OSBPL9: variants seen among roughly 807,000 people sequenced by gnomAD.
OSBPL9 encodes oxysterol binding protein like 9.
OSBPL9 carries 40 observed loss-of-function variants against 106.6 expected under a neutral mutation model. The ratio of observed to expected loss-of-function variants is 0.38; its 90% CI spans 0.29 to 0.49. OSBPL9 has a LOEUF of 0.49. Ranked by LOEUF, OSBPL9 falls within the 20% of genes least tolerant of loss-of-function variation. The pLI, the probability that OSBPL9 is intolerant of heterozygous loss-of-function variation, is 0.97. For missense variants in OSBPL9, 609 were observed against 887.2 expected, an observed-to-expected ratio of 0.69 and a Z score of 3.98; for synonymous variants, 269 against 295.4, an observed-to-expected ratio of 0.91 and a Z score of 0.92.
At chr1:51,534,830 C>G in the OSBPL9 span, among the ~76,000 whole-genome samples, 26 of 152,258 alleles carry the variant, frequency 1.7e-4, no homozygotes, top group Admixed American at 1.7e-3. Flanking sequence ...CAAGCCCCTT[C>G]TCTCCTCTGG....
intron 1 of OSBPL9, among the ~76,000 whole-genome samples, chr1:51,636,115 C>A (rs1645421774): frequency 8.2e-6 from 1 of 121,776 alleles, no homozygotes; most frequent in South Asian, 2.5e-4. Context: ...TGTATCCTTT[C>A]TAAAATCAAT....
intron 2 of OSBPL9, among the ~76,000 whole-genome samples, chr1:51,606,274 G>C (rs72894201): frequency 0.11 from 16,859 of 148,160 alleles, 1,043 homozygotes; most frequent in Middle Eastern, 0.22. Flanking sequence ...GGCATGTGTT[G>C]CCGTGTGTGG....
chr1:51,678,759 T>A (rs1023583556), intron 3 of OSBPL9, among the ~76,000 whole-genome samples: 1 of 152,198 alleles, frequency 6.6e-6, no homozygotes, highest in Non-Finnish European at 1.5e-5. Context: ...GTTATATTGA[T>A]CAAGTATATT....
chr1:51,644,520 G>C (rs774455802), intron 1 of OSBPL9, among the ~76,000 whole-genome samples: 1 of 152,094 alleles, frequency 6.6e-6, no homozygotes, highest in African/African-American at 2.4e-5. Context: ...TAGAGACAGG[G>C]TTTCACCATG....
chr1:51,675,368 AATTT>A (rs1267111339), intron 3 of OSBPL9, among the ~76,000 whole-genome samples: 181 of 151,278 alleles, frequency 1.2e-3, no homozygotes, highest in African/African-American at 4.1e-3. Flanking sequence ...TTAATTAATT[AATTT>A]ATTTATTTAT....
At chr1:51,612,528 G>A (rs1643995790), upstream of OSBPL9, among the ~76,000 whole-genome samples, 1 of 152,198 alleles carries the variant, frequency 6.6e-6, no homozygotes, top group African/African-American at 2.4e-5. Context: ...TCTCCACCAC[G>A]TGTAACTTTA....
rs1350626967 is a variant in OSBPL9 at position 51,781,094 on chromosome 1, T to C, written c.1257-70T>C. On this transcript the variant is annotated intron_variant, in intron 15 of 23. Transcript: ENST00000428468. Reference sequence around the variant, plus strand: ...TCAGCCTGACTTAGGTGGACCATGCTGGGGGTTGTTGCATCATCTTGTCTT... The same window carrying C: ...TCAGCCTGACTTAGGTGGACCATGCCGGGGGTTGTTGCATCATCTTGTCTT... The C allele has an allele frequency of 3.4e-6, 5 of 1,482,118 alleles. No homozygotes were observed. In the African/African-American group the frequency reaches 6.9e-5, roughly 21 times the overall value. The allele number at this position is 1,482,118 out of a possible 1,614,324, so 91.8% of individuals were successfully genotyped here.
intron 3 of OSBPL9, among the ~76,000 whole-genome samples, chr1:51,678,646 G>A (rs540669276): frequency 1.9e-4 from 29 of 152,146 alleles, no homozygotes; most frequent in Admixed American, 4.6e-4. Context: ...GGGCGACAGA[G>A]CAAGACTCTG....
At chr1:51,636,139 C>T (rs1233689281) in intron 1 of OSBPL9, among the ~76,000 whole-genome samples, 1 of 145,260 alleles carries the variant, frequency 6.9e-6, no homozygotes, top group East Asian at 2.0e-4. Flanking sequence ...TCCTTCCTTC[C>T]TCTCTCTCTC....
chr1:51,532,991 T>C, the OSBPL9 span, among the ~76,000 whole-genome samples: 2 of 152,146 alleles, frequency 1.3e-5, no homozygotes, highest in African/African-American at 2.4e-5. Flanking sequence ...TGGTAATTGG[T>C]AATTAAATGG....
At chr1:51,598,984 C>T (rs1645315327) in intron 2 of OSBPL9, among the ~76,000 whole-genome samples, 1 of 147,366 alleles carries the variant, frequency 6.8e-6, no homozygotes, top group African/African-American at 2.5e-5. Flanking sequence ...ACAGGTGAGA[C>T]TCTGTCTCAA....
In OSBPL9 at chr1:51,629,701, T is replaced by A. The variant is rs183005495; in HGVS notation, c.111+12480T>A. Among the ~76,000 whole-genome samples, 3 of 152,050 alleles carry A rather than the reference T, an allele frequency of 2.0e-5. 1 individual carries two copies. The highest frequency in any genetic ancestry group is 1.3e-4 in the Admixed American group (2 of 15,218). The stretch of plus-strand genomic sequence containing the variant: ...CAGTGGCTCATGCCTGTAATCCCAG[T>A]GCTTTGAGAGGCTGAGGTGGGTGGA... On this transcript the variant is annotated intron_variant, in intron 1 of 23. Transcript: ENST00000428468.
chr1:51,635,477 G>A lies in OSBPL9; in HGVS notation c.112-16514G>A, dbSNP rs142346286. 1.2e-3 allele frequency among the ~76,000 whole-genome samples: 184 copies of A among 152,226 alleles called. 1 individual carries two copies. Among genetic ancestry groups the A allele is most frequent in the South Asian group, 4.4e-3 (21 of 4,824 alleles). On this transcript the variant is annotated intron_variant, in intron 1 of 23. Transcript: ENST00000428468. ...AGTACAGCTTTTCAGAGTTATTCTC[G>A]TGTCTGCAGCCCCTCTGAGAATAGC...
intron 1 of OSBPL9, among the ~76,000 whole-genome samples, chr1:51,643,247 A>G (rs1645922648): frequency 6.6e-6 from 1 of 152,156 alleles, no homozygotes; most frequent in African/African-American, 2.4e-5. Flanking sequence ...TAACACATGA[A>G]CTTTTGGGGG....
the OSBPL9 span, among the ~76,000 whole-genome samples, chr1:51,535,260 C>T: frequency 2.6e-5 from 4 of 152,138 alleles, no homozygotes; most frequent in East Asian, 7.7e-4. Context: ...TTCAGAAGAA[C>T]TCTAGGCATC....
intron 1 of OSBPL9, among the ~76,000 whole-genome samples, chr1:51,626,356 A>G (rs1272220024): frequency 6.6e-6 from 1 of 151,662 alleles, no homozygotes; most frequent in Non-Finnish European, 1.5e-5. Context: ...CAGTCTATAG[A>G]TTTTCTCCTC....
chr1:51,676,615 C>T (rs952216093), intron 3 of OSBPL9, among the ~76,000 whole-genome samples: 12 of 147,352 alleles, frequency 8.1e-5, no homozygotes, highest in Admixed American at 3.4e-4. Flanking sequence ...GCCGAGATCG[C>T]GCCACTGCAC....
chr1:51,637,142 G>C (rs1020264718), intron 1 of OSBPL9, among the ~76,000 whole-genome samples: 1 of 152,302 alleles, frequency 6.6e-6, no homozygotes, highest in African/African-American at 2.4e-5. Flanking sequence ...CTTGCTATCT[G>C]TGAGTCTGTG....
intron 1 of OSBPL9, among the ~76,000 whole-genome samples, chr1:51,643,830 C>T (rs1645966778): frequency 6.6e-6 from 1 of 151,820 alleles, no homozygotes; most frequent in Non-Finnish European, 1.5e-5. Context: ...CCTGTAGTCT[C>T]AGCACTTTGG....
Sources: allele counts gnomAD v4.1 joint callset (sites outside exome capture counted in the v4.1 genomes callset), GRCh38; gene constraint gnomAD v4.1.1; transcripts MANE v1.5; gene names NCBI Gene and HGNC (gene_info 2026-07-23, HGNC 2026-07-21).